KLHL1: variants seen among roughly 807,000 people sequenced by gnomAD.
The protein encoded by KLHL1 is kelch like family member 1, also known as kelch-like protein 1.
In KLHL1, 47 loss-of-function variants were observed where a neutral mutation model predicts 77.7. The observed-to-expected ratio is 0.60, with a 90% CI of 0.48 to 0.77. KLHL1 has a LOEUF of 0.77. Ranked by LOEUF, KLHL1 falls within the 30% of genes least tolerant of loss-of-function variation. The pLI is 0.00. For synonymous variants in KLHL1, 360 were observed against 325.2 expected, an observed-to-expected ratio of 1.11 and a Z score of -1.15; for missense variants, 925 against 910.8, an observed-to-expected ratio of 1.02 and a Z score of -0.20.
intron 5 of KLHL1, among the ~76,000 whole-genome samples, chr13:69,842,260 CT>C (rs1254647955): frequency 1.3e-5 from 2 of 151,720 alleles, no homozygotes; most frequent in Non-Finnish European, 2.9e-5. Context: ...AAAAGAAAAT[CT>C]GCTTAATGGG....
chr13:69,866,619 TGA>T (rs1288798941), intron 5 of KLHL1, among the ~76,000 whole-genome samples: 3 of 152,132 alleles, frequency 2.0e-5, no homozygotes, highest in African/African-American at 4.8e-5. Context: ...TTAAAATACT[TGA>T]GAGATGTTAT....
chr13:69,979,862 C>T (rs766369542), intron 1 of KLHL1, among the ~76,000 whole-genome samples: 1 of 152,118 alleles, frequency 6.6e-6, no homozygotes. Flanking sequence ...CTCCTCAAAC[C>T]ATAGCTATAC....
intron 4 of KLHL1, among the ~76,000 whole-genome samples, chr13:69,887,140 G>A (rs527722748): frequency 2.0e-4 from 30 of 152,220 alleles, no homozygotes; most frequent in African/African-American, 3.4e-4. Flanking sequence ...TTCCTTAAGC[G>A]TCCTTTGCAA....
At chr13:69,859,505 C>A (rs1174359524) in intron 5 of KLHL1, among the ~76,000 whole-genome samples, 1 of 151,960 alleles carries the variant, frequency 6.6e-6, no homozygotes, top group Non-Finnish European at 1.5e-5. Context: ...CTGGTCCTTC[C>A]CTCTAGGATA....
intron 4 of KLHL1, among the ~76,000 whole-genome samples, chr13:69,927,726 G>T (rs1197577810): frequency 1.3e-5 from 2 of 152,064 alleles, no homozygotes; most frequent in Non-Finnish European, 2.9e-5. Flanking sequence ...TACTAGGATG[G>T]CTATAATCAA....
At chr13:69,715,385 C>T (rs1354747144) in intron 9 of KLHL1, among the ~76,000 whole-genome samples, 1 of 152,076 alleles carries the variant, frequency 6.6e-6, no homozygotes. Flanking sequence ...CTCCTTCGTG[C>T]ACTCCCTTGC....
At chr13:69,769,627 A>AG (rs1245256686) in intron 7 of KLHL1, among the ~76,000 whole-genome samples, 1 of 152,094 alleles carries the variant, frequency 6.6e-6, no homozygotes, top group Non-Finnish European at 1.5e-5. Flanking sequence ...GCCTTTTCCA[A>AG]GGCTACCTGC....
chr13:69,981,542 T>A (rs1428870072), intron 1 of KLHL1, among the ~76,000 whole-genome samples: 2 of 151,970 alleles, frequency 1.3e-5, no homozygotes, highest in African/African-American at 2.4e-5. Context: ...GGGAAAAAAA[T>A]TTAACTATTT....
chr13:69,900,050 C>A (rs1433622618), intron 4 of KLHL1, among the ~76,000 whole-genome samples: 2 of 152,012 alleles, frequency 1.3e-5, no homozygotes, highest in African/African-American at 4.8e-5. Flanking sequence ...AGAGATAAGC[C>A]AGCTGTTGGA....
Position 70,042,960 on chromosome 13 carries a change from C to A in KLHL1, c.497+64243G>T, listed in dbSNP as rs2137381626. On this transcript the variant is annotated intron_variant, in intron 1 of 10. Coordinates refer to ENST00000377844, the MANE Select transcript of KLHL1 (RefSeq NM_020866.3). ...TCACTCTGTTGCCCAGGCTGGAGTG[C>A]AGTGGCATAATCCCAGCTCACTGCA... 2.6e-5 allele frequency among the ~76,000 whole-genome samples: 4 copies of A among 152,272 alleles called. No individual in the cohort carries two copies. In the East Asian group the frequency reaches 7.7e-4, roughly 29 times the overall value.
intron 7 of KLHL1, among the ~76,000 whole-genome samples, chr13:69,766,918 C>G (rs1593809867): frequency 6.6e-6 from 1 of 152,242 alleles, no homozygotes; most frequent in East Asian, 1.9e-4. Flanking sequence ...TTAGTACAAA[C>G]TAATTTTATG....
chr13:70,010,311 G>C (rs1357263886), intron 1 of KLHL1, among the ~76,000 whole-genome samples: 1 of 152,150 alleles, frequency 6.6e-6, no homozygotes, highest in East Asian at 1.9e-4. Flanking sequence ...TCAAAAGCCT[G>C]TTGTAAAAGA....
At chr13:70,057,791 A>AC (rs1886784184) in intron 1 of KLHL1, among the ~76,000 whole-genome samples, 1 of 148,996 alleles carries the variant, frequency 6.7e-6, no homozygotes, top group South Asian at 2.1e-4. Flanking sequence ...TCAAAAAAAA[A>AC]AAAAAAAAAA....
At chr13:69,880,055 G>A (rs901099787) in intron 5 of KLHL1, among the ~76,000 whole-genome samples, 10 of 152,096 alleles carry the variant, frequency 6.6e-5, no homozygotes, top group African/African-American at 2.4e-4. Flanking sequence ...CCAGGTTAGA[G>A]AGCAAACAGG....
chr13:69,722,825 T>G (rs1373993597), intron 8 of KLHL1, among the ~76,000 whole-genome samples: 1 of 151,944 alleles, frequency 6.6e-6, no homozygotes, highest in Non-Finnish European at 1.5e-5. Context: ...TTGGTGTATA[T>G]TCAAAGGAAA....
At chr13:69,887,861 C>T (rs1881276039) in intron 4 of KLHL1, among the ~76,000 whole-genome samples, 1 of 152,148 alleles carries the variant, frequency 6.6e-6, no homozygotes. Context: ...TTCTAGTATG[C>T]ATTTCAAAAT....
intron 1 of KLHL1, among the ~76,000 whole-genome samples, chr13:69,980,031 G>A (rs1393325793): frequency 1.3e-5 from 2 of 152,142 alleles, no homozygotes; most frequent in Non-Finnish European, 2.9e-5. Flanking sequence ...CGTCTTTGTT[G>A]TGGCTATCTT....
intron 8 of KLHL1, among the ~76,000 whole-genome samples, chr13:69,737,407 G>A (rs533449412): frequency 1.1e-3 from 173 of 152,336 alleles, no homozygotes; most frequent in Admixed American, 2.5e-3. Flanking sequence ...TCGCTCCCAC[G>A]GAACCCCACA....
At chr13:69,800,183 T>C (rs1381602809) in intron 6 of KLHL1, among the ~76,000 whole-genome samples, 1 of 152,208 alleles carries the variant, frequency 6.6e-6, no homozygotes. Context: ...TTCTCTGACA[T>C]TGACCCTTGT....
Sources: allele counts gnomAD v4.1 joint callset (sites outside exome capture counted in the v4.1 genomes callset), GRCh38; gene constraint gnomAD v4.1.1; transcripts MANE v1.5; gene names NCBI Gene and HGNC (gene_info 2026-07-23, HGNC 2026-07-21).